The following CPD variants were observed in gnomAD, a reference collection of about 807,000 sequenced individuals.
The protein encoded by CPD is metallocarboxypeptidase D.
CPD carries 69 observed loss-of-function variants against 138.3 expected under a neutral mutation model. The ratio of observed to expected loss-of-function variants is 0.50; its 90% CI spans 0.41 to 0.61. The LOEUF is 0.61. Among genes scored for constraint, CPD ranks in the 20% least tolerant of loss-of-function variants. The probability of loss-of-function intolerance (pLI) is 0.00; values close to 1 mark genes in which losing one functional copy is unlikely to be tolerated. For missense variants in CPD, 1,432 were observed against 1,733.3 expected, an observed-to-expected ratio of 0.83 and a Z score of 3.09; for synonymous variants, 651 against 642.1, an observed-to-expected ratio of 1.01 and a Z score of -0.21.
intron 14 of CPD, among the ~76,000 whole-genome samples, chr17:30,452,113 T>G (rs1258129071): frequency 1.3e-5 from 2 of 152,220 alleles, no homozygotes; most frequent in Admixed American, 1.3e-4. Flanking sequence ...ATGTGTATTC[T>G]CTCTCCCCTC....
At chr17:30,446,080 C>A in intron 12 of CPD, 60 bp downstream of exon 12, 3 of 1,145,490 alleles carry the variant, frequency 2.6e-6, no homozygotes, top group Non-Finnish European at 3.8e-6. Context: ...CAGCATTAGC[C>A]ATGTTGAATA....
At position 30,469,168 on chromosome 17, in the gene CPD, G is replaced by GA; in HGVS notation, c.*4357dup. 6.6e-6 allele frequency: 1 copy of GA among 152,262 alleles called. No homozygotes were observed. The highest frequency in any genetic ancestry group is 2.1e-4 in the South Asian group (1 of 4,828). The allele number at this position is 152,262 out of a possible 1,614,324, so 9.4% of individuals were successfully genotyped here. On this transcript the variant is annotated 3_prime_UTR_variant, in exon 21 of 21. Transcript: ENST00000225719. The stretch of plus-strand genomic sequence containing the variant: ...GAATTGGGAAAGCAAAGTTGTATGA[G>GA]AAACAGACTCTGCTGATAAAGTACT...
intron 2 of CPD, among the ~76,000 whole-genome samples, chr17:30,411,723 C>G (rs1911973239): frequency 6.6e-6 from 1 of 152,158 alleles, no homozygotes; most frequent in Non-Finnish European, 1.5e-5. Flanking sequence ...CATTTAAGGT[C>G]TTCTCTACAC....
chr17:30,386,054 G>A (rs1911177322), intron 2 of CPD, among the ~76,000 whole-genome samples: 1 of 152,102 alleles, frequency 6.6e-6, no homozygotes, highest in Non-Finnish European at 1.5e-5. Context: ...TTAAGAGATA[G>A]GGTCTCACTC....
chr17:30,433,483 C>T (rs1439445663), intron 8 of CPD, among the ~76,000 whole-genome samples: 2 of 152,174 alleles, frequency 1.3e-5, no homozygotes, highest in African/African-American at 4.8e-5. Context: ...CAATGATTCT[C>T]CTAAGGGTCT....
At position 30,456,511 on chromosome 17, in the gene CPD, C is replaced by T. The variant is rs994410381; in HGVS notation, c.3483C>T (p.His1161=). The T allele has an allele frequency of 8.1e-6, 13 of 1,613,930 alleles. No individual in the cohort carries two copies. The highest frequency in any genetic ancestry group is 2.7e-5 in the African/African-American group (2 of 74,892). Residue 1161 remains histidine, a synonymous_variant, in exon 17 of 21, where the codon CAC becomes CAT. Transcript: ENST00000225719. ...TGCGTGGAGCAGAATGGCATAGTCA[C>T]CTGGGCAGCATGAAGGTATGCTTTC... ...GVMRGAEWHS[H]LGSMKDYSVT... is the part of the protein sequence containing the mutation.
At chr17:30,438,937 C>A in intron 8 of CPD, 38 bp from the exon 9 acceptor site, 1 of 1,269,212 alleles carries the variant, frequency 7.9e-7, no homozygotes, top group Non-Finnish European at 1.1e-6. Flanking sequence ...GATGGAGATA[C>A]AAACAAATAG....
chr17:30,384,865 G>A, intron 1 of CPD, 124 bp from the exon 2 acceptor site: 1 of 1,036,644 alleles, frequency 9.6e-7, no homozygotes, highest in Non-Finnish European at 1.4e-6. Flanking sequence ...AGCTGATAGA[G>A]TTGTTTTCTA....
chr17:30,431,749 C>T (rs756461541), intron 7 of CPD, 23 bp from the exon 8 acceptor site: 3 of 1,441,822 alleles, frequency 2.1e-6, no homozygotes, highest in Non-Finnish European at 2.9e-6. Flanking sequence ...CAACATGATA[C>T]ATTTTCCTCT....
intron 2 of CPD, among the ~76,000 whole-genome samples, chr17:30,408,083 C>T (rs974516311): frequency 2.6e-5 from 4 of 152,252 alleles, no homozygotes; most frequent in African/African-American, 9.6e-5. Flanking sequence ...AATCCTTTGC[C>T]CATTTCTTGT....
chr17:30,460,094 A>C (rs761257026), intron 17 of CPD, among the ~76,000 whole-genome samples: 1 of 152,218 alleles, frequency 6.6e-6, no homozygotes, highest in Non-Finnish European at 1.5e-5. Flanking sequence ...AATTAAAGAC[A>C]CAAAAAATTA....
chr17:30,453,085 A>C (rs1913206796), intron 14 of CPD, among the ~76,000 whole-genome samples: 2 of 152,152 alleles, frequency 1.3e-5, no homozygotes, highest in African/African-American at 2.4e-5. Context: ...ACACAGCCAA[A>C]CCATATCATT....
At chr17:30,419,508 T>A (rs2143407489) in intron 2 of CPD, among the ~76,000 whole-genome samples, 1 of 152,104 alleles carries the variant, frequency 6.6e-6, no homozygotes, top group South Asian at 2.1e-4. Context: ...CCCAGCTAAT[T>A]TTTTGTATTT....
At chr17:30,436,761 C>T (rs1320966204) in intron 8 of CPD, among the ~76,000 whole-genome samples, 1 of 152,132 alleles carries the variant, frequency 6.6e-6, no homozygotes, top group Admixed American at 6.5e-5. Context: ...CATTCCACTG[C>T]TAGGTATATA....
intron 2 of CPD, among the ~76,000 whole-genome samples, chr17:30,390,696 T>G (rs1911331622): frequency 6.6e-6 from 1 of 152,204 alleles, no homozygotes; most frequent in Non-Finnish European, 1.5e-5. Context: ...TGAGCCTTGC[T>G]TCATTCAACA....
chr17:30,409,007 C>T (rs1363813638), intron 2 of CPD, among the ~76,000 whole-genome samples: 1 of 152,048 alleles, frequency 6.6e-6, no homozygotes, highest in Non-Finnish European at 1.5e-5. Context: ...ATAAATAGCT[C>T]TTATTATTTT....
At chr17:30,386,860 G>A (rs1911204673) in intron 2 of CPD, among the ~76,000 whole-genome samples, 1 of 152,092 alleles carries the variant, frequency 6.6e-6, no homozygotes, top group African/African-American at 2.4e-5. Context: ...TCCATCTATT[G>A]ATGAGCACTG....
At chr17:30,414,768 A>G (rs1280000353) in intron 2 of CPD, among the ~76,000 whole-genome samples, 1 of 152,200 alleles carries the variant, frequency 6.6e-6, no homozygotes, top group South Asian at 2.1e-4. Flanking sequence ...TGCCTGAGCA[A>G]CTATTTAATA....
chr17:30,402,655 A>G (rs2143357168), intron 2 of CPD, among the ~76,000 whole-genome samples: 1 of 152,366 alleles, frequency 6.6e-6, no homozygotes, highest in African/African-American at 2.4e-5. Flanking sequence ...TAATTCCAGC[A>G]TCTGTGTCAC....
Sources: allele counts gnomAD v4.1 joint callset (sites outside exome capture counted in the v4.1 genomes callset), GRCh38; gene constraint gnomAD v4.1.1; transcripts MANE v1.5; gene names NCBI Gene and HGNC (gene_info 2026-07-23, HGNC 2026-07-21).